PCBP3: variants seen among roughly 807,000 people sequenced by gnomAD.
PCBP3 encodes the protein poly(rC) binding protein 3.
Under a neutral mutation model 52.7 loss-of-function variants are expected in PCBP3, and 25 were observed. That is an observed-to-expected ratio of 0.47 (90% CI 0.35 to 0.66). The LOEUF is 0.66. PCBP3 is among the 30% of genes least tolerant of loss of function. PCBP3 has a pLI of 0.01. For missense variants in PCBP3, 391 were observed against 490.3 expected, an observed-to-expected ratio of 0.80 and a Z score of 1.91; for synonymous variants, 162 against 183.0, an observed-to-expected ratio of 0.89 and a Z score of 0.93.
intron 3 of PCBP3, among the ~76,000 whole-genome samples, chr21:45,739,694 C>G (rs1192349620): frequency 6.7e-6 from 1 of 149,224 alleles, no homozygotes; most frequent in East Asian, 2.0e-4. Context: ...CTGGGTGGCC[C>G]CCCCATCTTC....
chr21:45,902,535 G>A lies in PCBP3; in HGVS notation c.339+1422G>A, dbSNP rs1353331687. On this transcript the variant is annotated intron_variant, in intron 9 of 17. Coordinates refer to ENST00000681687, the MANE Select transcript of PCBP3 (RefSeq NM_001384156.1). Reference sequence around the variant, plus strand: ...GATCTTTCTGTTGCTGAGTCATCCTGGCCGTTGTCTGATGGGAGACTGATG... The same window carrying A: ...GATCTTTCTGTTGCTGAGTCATCCTAGCCGTTGTCTGATGGGAGACTGATG... 2.0e-5 allele frequency among the ~76,000 whole-genome samples: 3 copies of A among 152,216 alleles called. No homozygotes were observed. In the East Asian group the frequency reaches 5.8e-4, roughly 29 times the overall value.
intron 4 of PCBP3, among the ~76,000 whole-genome samples, chr21:45,810,174 A>C (rs913793806): frequency 2.0e-5 from 3 of 151,422 alleles, no homozygotes; most frequent in African/African-American, 7.3e-5. Flanking sequence ...TATATAACCA[A>C]TTTTGCATTC....
chr21:45,913,688 A>G (rs1249832721), intron 11 of PCBP3, among the ~76,000 whole-genome samples: 1 of 152,158 alleles, frequency 6.6e-6, no homozygotes, highest in Admixed American at 6.5e-5. Flanking sequence ...TACTCTCAGG[A>G]GGCCGGTGTG....
At chr21:45,828,201 A>G (rs1247378366) in intron 4 of PCBP3, 2 of 152,204 alleles carry the variant, frequency 1.3e-5, no homozygotes, top group African/African-American at 2.4e-5. Context: ...GGCAGTGAAT[A>G]TGCATGAGCA....
At chr21:45,877,881 G>T (rs2095305603) in intron 5 of PCBP3, among the ~76,000 whole-genome samples, 2 of 152,250 alleles carry the variant, frequency 1.3e-5, no homozygotes, top group South Asian at 2.1e-4. Context: ...GCACAGCTGG[G>T]ACTTCTGCAC....
intron 2 of PCBP3, among the ~76,000 whole-genome samples, chr21:45,688,873 AAAC>A (rs892818528): frequency 2.7e-4 from 41 of 152,000 alleles, no homozygotes; most frequent in East Asian, 3.9e-4. Context: ...CTTAAAAAAA[AAAC>A]AACAACAAAA....
At chr21:45,759,992 G>T (rs2088466425) in intron 4 of PCBP3, 1 of 152,134 alleles carries the variant, frequency 6.6e-6, no homozygotes, top group Non-Finnish European at 1.5e-5. Context: ...TGAGAGAAAA[G>T]AACTGACATT....
rs558965708 is a variant in PCBP3 at position 45,911,240 on chromosome 21, C to T, written c.600+210C>T. ...CTGCCAGCTCAGGGTCCAGTGTCTT[C>T]GTGGGGGCGTCTAGGGGAGAGCATG... On this transcript the variant is annotated intron_variant, in intron 11 of 17. Coordinates refer to ENST00000681687, the MANE Select transcript of PCBP3 (RefSeq NM_001384156.1). The T allele has an allele frequency of 1.8e-4, 121 of 655,458 alleles. No individual in the cohort carries two copies. In the African/African-American group the frequency reaches 1.9e-3, roughly 10 times the overall value. The allele number at this position is 655,458 out of a possible 1,614,324, so 40.6% of individuals were successfully genotyped here.
intron 6 of PCBP3, among the ~76,000 whole-genome samples, chr21:45,899,091 C>T (rs1038975239): frequency 1.3e-5 from 2 of 152,280 alleles, no homozygotes; most frequent in African/African-American, 4.8e-5. Flanking sequence ...CAGCGGGGAA[C>T]GTGTGTCCCG....
chr21:45,825,708 G>T (rs2093288380), intron 4 of PCBP3, among the ~76,000 whole-genome samples: 1 of 152,130 alleles, frequency 6.6e-6, no homozygotes, highest in Non-Finnish European at 1.5e-5. Flanking sequence ...GGGAAATGCT[G>T]GAAACTGGGA....
chr21:45,867,818 A>G (rs908438336), intron 5 of PCBP3, among the ~76,000 whole-genome samples: 1 of 152,276 alleles, frequency 6.6e-6, no homozygotes, highest in African/African-American at 2.4e-5. Flanking sequence ...GGCCAGTGCC[A>G]TCCACAGCAG....
chr21:45,864,694 G>GC (rs1258115630), intron 5 of PCBP3, among the ~76,000 whole-genome samples: 1 of 152,214 alleles, frequency 6.6e-6, no homozygotes, highest in East Asian at 1.9e-4. Context: ...CCCAGAAATA[G>GC]CTTGCCAGAG....
intron 2 of PCBP3, among the ~76,000 whole-genome samples, chr21:45,719,915 A>G (rs1367957809): frequency 1.3e-5 from 2 of 152,090 alleles, no homozygotes; most frequent in Admixed American, 6.5e-5. Context: ...GAGGAAGTGG[A>G]AACCTGTTCT....
At chr21:45,932,535 G>A (rs565974555) in intron 15 of PCBP3, among the ~76,000 whole-genome samples, 13 of 151,332 alleles carry the variant, frequency 8.6e-5, no homozygotes, top group South Asian at 2.1e-4. Context: ...CGGCCATGCC[G>A]TCCTGAGATG....
At chr21:45,707,742 G>A (rs186514024) in intron 2 of PCBP3, among the ~76,000 whole-genome samples, 1 of 152,308 alleles carries the variant, frequency 6.6e-6, no homozygotes, top group Admixed American at 6.5e-5. Flanking sequence ...AATAGTGGAG[G>A]TGATAGTCCT....
intron 2 of PCBP3, among the ~76,000 whole-genome samples, chr21:45,681,410 G>T (rs2081839048): frequency 1.3e-5 from 2 of 152,108 alleles, no homozygotes; most frequent in African/African-American, 4.8e-5. Flanking sequence ...AACCCCATTT[G>T]GTCATGCTGC....
At chr21:45,794,479 C>A (rs1390794881) in intron 4 of PCBP3, among the ~76,000 whole-genome samples, 1 of 152,162 alleles carries the variant, frequency 6.6e-6, no homozygotes, top group East Asian at 1.9e-4. Flanking sequence ...ACATCTTGAA[C>A]AGGAAAATTT....
rs2093385063 is a variant in PCBP3 at position 45,829,248 on chromosome 21, C to G, written c.-125-20713C>G. The G allele has an allele frequency of 6.6e-6, 1 of 150,756 alleles. No individual in the cohort carries two copies. The highest frequency in any genetic ancestry group is 1.5e-5 in the Non-Finnish European group (1 of 66,902). 9.3% of individuals were successfully genotyped at this position (150,756 alleles called of 1,614,324 possible). On this transcript the variant is annotated intron_variant, in intron 4 of 17. Coordinates refer to ENST00000681687, the MANE Select transcript of PCBP3 (RefSeq NM_001384156.1). The surrounding 1 kb of genome is among the most constrained non-coding windows in gnomAD (Gnocchi z 5.2). ...GGGGGCCTTCAGATTCTCTGAGATTCAAAGCTCTTTGGAGAGAGGACACTT... is the reference window on the plus strand; with the variant it reads ...GGGGGCCTTCAGATTCTCTGAGATTGAAAGCTCTTTGGAGAGAGGACACTT...
chr21:45,836,707 T>C (rs550303590), intron 4 of PCBP3, among the ~76,000 whole-genome samples: 1 of 152,170 alleles, frequency 6.6e-6, no homozygotes, highest in East Asian at 1.9e-4. Flanking sequence ...TTTACCGTGA[T>C]CCTGCATTTT....
Sources: gnomAD v4.1 joint callset for allele counts (sites outside exome capture counted in the v4.1 genomes callset) on GRCh38, gnomAD v4.1.1 for gene constraint, Gnocchi (gnomAD v3.1) non-coding constraint, MANE v1.5 for transcripts, NCBI Gene and HGNC (gene_info 2026-07-23, HGNC 2026-07-21) for gene names.